Variants in LTO1 observed in about 807,000 individuals in gnomAD.
LTO1 encodes LTO1 maturation factor of ABCE1, also known as protein LTO1 homolog.
A neutral mutation model predicts 19.8 loss-of-function variants in LTO1; 18 were observed. The observed-to-expected ratio is 0.91, with a 90% confidence interval of 0.63 to 1.35. The LOEUF (loss-of-function observed/expected upper bound fraction) is 1.35. Among genes scored for constraint, LTO1 ranks in the 40% most tolerant of loss-of-function variants. The pLI is 0.00. For missense variants in LTO1, 175 were observed against 167.9 expected (o/e 1.04, Z -0.23); for synonymous variants, 59 against 59.6 (o/e 0.99, Z 0.05).
intron 3 of LTO1, among the ~76,000 whole-genome samples, chr11:69,669,786 A>G (rs1856083448): frequency 6.6e-6 from 1 of 152,176 alleles, no homozygotes. Flanking sequence ...AGACTGCTGA[A>G]GCCGGGGACA....
intron 3 of LTO1, among the ~76,000 whole-genome samples, chr11:69,670,672 G>A (rs1856097293): frequency 2.0e-5 from 3 of 152,138 alleles, no homozygotes; most frequent in South Asian, 2.1e-4. Context: ...CACAAGTCAC[G>A]TAGTCAGGGA....
At position 69,667,250 on chromosome 11, in the gene LTO1, C is replaced by T. The variant is rs1449545215; in HGVS notation, c.*269G>A. 4.0e-6 allele frequency: 2 copies of T among 503,792 alleles called. No individual in the cohort carries two copies. Among genetic ancestry groups the T allele is most frequent in the Admixed American group, 3.8e-5 (1 of 26,578 alleles). 31.2% of individuals were successfully genotyped at this position (503,792 alleles called of 1,614,324 possible). ...CCCAGAACCAGCTAGGCCTGTGCTG[C>T]CGGAGAGGCTGTCAAGTCAATGCAC... On this transcript the variant is annotated 3_prime_UTR_variant, in exon 5 of 5. Coordinates refer to ENST00000279147, the MANE Select transcript of LTO1 (RefSeq NM_153451.3).
intron 3 of LTO1, chr11:69,671,513 T>C (rs1050691519): frequency 8.2e-6 from 4 of 487,576 alleles, no homozygotes; most frequent in African/African-American, 5.8e-5. Context: ...GGCAGGAGCA[T>C]AGAACTCTTG....
At chr11:69,672,191 C>A (rs1041551289) in intron 2 of LTO1, 1 of 222,416 alleles carries the variant, frequency 4.5e-6, no homozygotes, top group Non-Finnish European at 9.3e-6. Flanking sequence ...TTGAATGTCA[C>A]GAGGACACAC....
In LTO1 at chr11:69,669,423, G is replaced by A. The variant is rs547400518; in HGVS notation, c.228-1411C>T. Among the ~76,000 whole-genome samples, 29 of 152,316 alleles carry A rather than the reference G, an allele frequency of 1.9e-4. 1 individual carries two copies. The East Asian group carries it at 5.6e-3, about 29-fold the overall frequency. On this transcript the variant is annotated intron_variant, in intron 3 of 4. Transcript: ENST00000279147. ...AGAGCAAGTTTGCCAGCAGCATCCA[G>A]TTTACAAGAGCTAACCATGGCTACC...
At chr11:69,669,908 C>G (rs577755610) in intron 3 of LTO1, among the ~76,000 whole-genome samples, 30 of 152,182 alleles carry the variant, frequency 2.0e-4, no homozygotes, top group African/African-American at 7.2e-4. Context: ...CAGCATTTTG[C>G]TGAATGACAA....
At chr11:69,675,059 C>T (rs1239467557) in intron 1 of LTO1, 131 bp downstream of exon 1, 4 of 789,678 alleles carry the variant, frequency 5.1e-6, no homozygotes, top group Non-Finnish European at 6.5e-6. Context: ...CGTCCACGGC[C>T]ACCAGGCGCT....
intron 3 of LTO1, chr11:69,671,443 C>G (rs1448186084): frequency 3.7e-6 from 1 of 269,100 alleles, no homozygotes; most frequent in Non-Finnish European, 7.1e-6. Flanking sequence ...TCAATGTCAA[C>G]ATTATTTTAT....
chr11:69,674,917 A>C (rs1305370857), intron 1 of LTO1: 1 of 680,482 alleles, frequency 1.5e-6, no homozygotes. Context: ...GGAGGAGGGG[A>C]ACCACCAGGC....
chr11:69,667,725 C>A, intron 4 of LTO1, 138 bp from the exon 5 acceptor site: 1 of 728,274 alleles, frequency 1.4e-6, no homozygotes, highest in Non-Finnish European at 2.4e-6. Flanking sequence ...TTTCTCTGGA[C>A]TGTCTTCAGT....
chr11:69,667,522 A>G lies in LTO1; in HGVS notation c.411T>C (p.Phe137=), dbSNP rs758140431. ...KISAEGSGLS[F] ...GGTCTCTGTTCATCCATCCTCCTCA[A>G]AATGAAAGTCCGGAACCTTCTGCAC... The change falls in exon 5 of 5, where the codon TTT becomes TTC. Residue 137 remains phenylalanine (F), a synonymous_variant. Transcript: ENST00000279147. 23 of 1,604,362 alleles carry G rather than the reference A, an allele frequency of 1.4e-5. No homozygotes were observed. The highest frequency in any genetic ancestry group is 1.7e-5 in the Non-Finnish European group (20 of 1,171,176).
At position 69,674,636 on chromosome 11, in the gene LTO1, GA is replaced by G. The variant is rs567260988; in HGVS notation, c.50+553del. On this transcript the variant is annotated intron_variant, in intron 1 of 4. Coordinates refer to ENST00000279147, the MANE Select transcript of LTO1 (RefSeq NM_153451.3). The stretch of plus-strand genomic sequence containing the variant: ...GCGAGCTAAATAAACGTCAGCGCCT[GA>G]CTGCTAAATGTTCGGCCGCTTTCTT... 513 of 390,768 alleles carry G rather than the reference GA, an allele frequency of 1.3e-3. 5 individuals are homozygous for G. The Middle Eastern group carries it at 0.019, about 14-fold the overall frequency. The allele number at this position is 390,768 out of a possible 1,614,324, so 24.2% of individuals were successfully genotyped here.
Position 69,667,497 on chromosome 11 carries a change from G to A in LTO1, c.*22C>T, listed in dbSNP as rs766976334. On this transcript the variant is annotated 3_prime_UTR_variant, in exon 5 of 5. Transcript: ENST00000279147. ...CACACACATCTGTTCCTCGACGTTCGGTCTCTGTTCATCCATCCTCCTCAA... is the reference window on the plus strand; with the variant it reads ...CACACACATCTGTTCCTCGACGTTCAGTCTCTGTTCATCCATCCTCCTCAA... 36 of 1,517,692 alleles carry A rather than the reference G, an allele frequency of 2.4e-5. No individual in the cohort carries two copies. Among genetic ancestry groups the A allele is most frequent in the Admixed American group, 5.0e-5 (3 of 59,828 alleles). 94.0% of individuals were successfully genotyped at this position (1,517,692 alleles called of 1,614,324 possible).
At chr11:69,675,083 GC>G in intron 1 of LTO1, 106 bp downstream of exon 1, 2 of 994,364 alleles carry the variant, frequency 2.0e-6, no homozygotes, top group Non-Finnish European at 3.1e-6. Flanking sequence ...CAATGCGCAC[GC>G]CCAAGGGACG....
chr11:69,671,784 T>C lies in LTO1; in HGVS notation c.192A>G (p.Lys64=), dbSNP rs1363022779. 4 of 1,605,702 alleles carry C rather than the reference T, an allele frequency of 2.5e-6. No homozygotes were observed. The highest frequency in any genetic ancestry group is 2.2e-5 in the East Asian group (1 of 44,834). ...CAGTGGTGCAACTGTGCAGTAGACA[T>C]TTCCATGCAAAAGCAAAACCTTGGT... ...GCYQGFAFAW[K]CLLHSCTTEK... is the part of the protein sequence containing the mutation. The change falls in exon 3 of 5, where the codon AAA becomes AAG. Residue 64 remains lysine, a synonymous_variant. Transcript: ENST00000279147.
intron 1 of LTO1, 82 bp from the exon 2 acceptor site, chr11:69,673,403 C>T (rs370208235): frequency 7.5e-6 from 7 of 932,552 alleles, no homozygotes; most frequent in Admixed American, 1.9e-5. Context: ...TTGTATTACC[C>T]GGACCCAGTA....
In LTO1 at chr11:69,666,761, C is replaced by T. The variant is rs542549634; in HGVS notation, c.*758G>A. 6.6e-6 allele frequency: 1 copy of T among 152,502 alleles called. No homozygotes were observed. Among genetic ancestry groups the T allele is most frequent in the East Asian group, 1.9e-4 (1 of 5,174 alleles). The allele number at this position is 152,502 out of a possible 1,614,324, so 9.4% of individuals were successfully genotyped here. On this transcript the variant is annotated 3_prime_UTR_variant, in exon 5 of 5. Transcript: ENST00000279147. ...CCTCAGGATCAGGTTGGCCTTTCTT[C>T]CTCTCAGCCAGATGCCCAGGTAAAC...
chr11:69,674,517 C>G (rs1378214992), intron 1 of LTO1: 2 of 339,912 alleles, frequency 5.9e-6, no homozygotes, highest in African/African-American at 4.3e-5. Context: ...GCCTCCTAGT[C>G]TGTAAATTCC....
intron 3 of LTO1, among the ~76,000 whole-genome samples, chr11:69,669,128 C>T (rs1467525714): frequency 1.3e-5 from 2 of 151,912 alleles, no homozygotes; most frequent in Middle Eastern, 3.2e-3. Context: ...CCTCTGGATC[C>T]TAGAGATCAG....
Sources: allele counts gnomAD v4.1 joint callset (sites outside exome capture counted in the v4.1 genomes callset), GRCh38; gene constraint gnomAD v4.1.1; transcripts MANE v1.5; gene names NCBI Gene and HGNC (gene_info 2026-07-23, HGNC 2026-07-21).